Variants in RBM47 observed in about 807,000 individuals in gnomAD.
RBM47 encodes the protein RNA-binding protein 47.
RBM47 carries 21 observed loss-of-function variants against 47.1 expected under a neutral mutation model. The observed-to-expected ratio is 0.45, with a 90% CI of 0.32 to 0.64. The LOEUF is 0.64. Ranked by LOEUF, RBM47 falls within the 30% of genes least tolerant of loss-of-function variation. RBM47 has a pLI of 0.05. For missense variants in RBM47, 708 were observed against 870.9 expected (o/e 0.81, Z 2.35); for synonymous variants, 375 against 361.7 (o/e 1.04, Z -0.42).
chr4:40,511,325 A>G (rs760783587), intron 2 of RBM47, among the ~76,000 whole-genome samples: 6 of 152,188 alleles, frequency 3.9e-5, no homozygotes, highest in South Asian at 2.1e-4. Context: ...TTTGGGTCCT[A>G]TTATTGTCCC....
chr4:40,591,087 G>C (rs1356775157), intron 1 of RBM47, among the ~76,000 whole-genome samples: 1 of 152,160 alleles, frequency 6.6e-6, no homozygotes, highest in African/African-American at 2.4e-5. Flanking sequence ...ACAGGTATGA[G>C]CCACCACACC....
intron 1 of RBM47, among the ~76,000 whole-genome samples, chr4:40,582,091 A>G (rs1194540296): frequency 6.6e-6 from 1 of 152,060 alleles, no homozygotes; most frequent in Non-Finnish European, 1.5e-5. Context: ...CCACTCCCAG[A>G]ACCCATCTCG....
chr4:40,541,646 G>A (rs551485807), intron 2 of RBM47, among the ~76,000 whole-genome samples: 120 of 152,194 alleles, frequency 7.9e-4, no homozygotes, highest in Non-Finnish European at 1.2e-3. Context: ...GCTGAGGCAC[G>A]AGAATTGTTT....
chr4:40,582,273 C>T (rs1037795670), intron 1 of RBM47, among the ~76,000 whole-genome samples: 1 of 152,192 alleles, frequency 6.6e-6, no homozygotes, highest in African/African-American at 2.4e-5. Context: ...GTGGCTCACG[C>T]CTGTAATCCC....
intron 6 of RBM47, among the ~76,000 whole-genome samples, chr4:40,430,193 G>A (rs1474029141): frequency 7.0e-6 from 1 of 143,882 alleles, no homozygotes; most frequent in African/African-American, 2.6e-5. Flanking sequence ...AGACACCGTC[G>A]CAAAAAACAA....
chr4:40,474,126 T>C (rs1719289048), intron 2 of RBM47, among the ~76,000 whole-genome samples: 1 of 152,210 alleles, frequency 6.6e-6, no homozygotes. Context: ...GCCTGGCCTC[T>C]GTGCAGAAGT....
At chr4:40,450,265 A>G (rs891695481) in intron 3 of RBM47, among the ~76,000 whole-genome samples, 1 of 152,160 alleles carries the variant, frequency 6.6e-6, no homozygotes. Context: ...ATCATTTAAC[A>G]CTAGCTTGAA....
chr4:40,451,111 T>G (rs1002385261), intron 3 of RBM47, among the ~76,000 whole-genome samples: 3 of 147,608 alleles, frequency 2.0e-5, no homozygotes, highest in African/African-American at 7.6e-5. Flanking sequence ...CTTTGTGAGG[T>G]TGAGGTGGGA....
intron 3 of RBM47, among the ~76,000 whole-genome samples, chr4:40,447,848 A>C (rs1714772824): frequency 6.6e-6 from 1 of 152,158 alleles, no homozygotes; most frequent in African/African-American, 2.4e-5. Flanking sequence ...ATCTCTACTA[A>C]AAATACAAAA....
intron 6 of RBM47, among the ~76,000 whole-genome samples, chr4:40,429,387 A>G (rs949179126): frequency 4.0e-5 from 6 of 151,680 alleles, no homozygotes; most frequent in Admixed American, 3.9e-4. Flanking sequence ...GTGAAGAAGG[A>G]AAAAAAAATT....
chr4:40,436,342 G>A, intron 5 of RBM47, 99 bp downstream of exon 5: 1 of 1,168,988 alleles, frequency 8.6e-7, no homozygotes, highest in Non-Finnish European at 1.2e-6. Flanking sequence ...AGGAACCCCT[G>A]TGCAGATGTG....
chr4:40,464,123 G>A (rs541332269), intron 3 of RBM47, among the ~76,000 whole-genome samples: 6 of 152,206 alleles, frequency 3.9e-5, no homozygotes, highest in South Asian at 2.1e-4. Context: ...ATATTTACAC[G>A]TAATGTAATA....
chr4:40,465,557 T>C (rs1717877892), intron 3 of RBM47, among the ~76,000 whole-genome samples: 1 of 152,030 alleles, frequency 6.6e-6, no homozygotes, highest in South Asian at 2.1e-4. Context: ...CGTGCACCTA[T>C]AATCCCACCT....
intron 2 of RBM47, chr4:40,516,078 T>A (rs1725531802): frequency 6.6e-6 from 1 of 152,182 alleles, no homozygotes; most frequent in Non-Finnish European, 1.5e-5. Context: ...CAGCTCCTTT[T>A]GCTTTCACAA....
chr4:40,556,762 C>A (rs113703648), intron 1 of RBM47, among the ~76,000 whole-genome samples: 1 of 151,596 alleles, frequency 6.6e-6, no homozygotes, highest in African/African-American at 2.4e-5. Context: ...TGGTGGTGCA[C>A]GCCTGTAATC....
intron 3 of RBM47, among the ~76,000 whole-genome samples, chr4:40,453,697 A>G (rs1435828876): frequency 1.3e-5 from 2 of 152,116 alleles, no homozygotes; most frequent in Admixed American, 1.3e-4. Context: ...ATTTCTGGAG[A>G]AGTGGCTGGA....
At chr4:40,549,624 G>C (rs1729366937) in intron 1 of RBM47, among the ~76,000 whole-genome samples, 1 of 150,016 alleles carries the variant, frequency 6.7e-6, no homozygotes, top group African/African-American at 2.5e-5. Flanking sequence ...CCGGGTTCAA[G>C]CAATTCTCCT....
At chr4:40,586,229 C>A (rs973447274) in intron 1 of RBM47, among the ~76,000 whole-genome samples, 1 of 152,158 alleles carries the variant, frequency 6.6e-6, no homozygotes, top group Admixed American at 6.5e-5. Flanking sequence ...GTTCATCCTG[C>A]TGAGGTTTGA....
intron 2 of RBM47, among the ~76,000 whole-genome samples, chr4:40,484,506 T>C (rs1720826969): frequency 6.6e-6 from 1 of 151,284 alleles, no homozygotes; most frequent in Non-Finnish European, 1.5e-5. Context: ...GGATGAACCA[T>C]TTTCCTTAGG....
Sources: gnomAD v4.1 joint callset for allele counts (sites outside exome capture counted in the v4.1 genomes callset) on GRCh38, gnomAD v4.1.1 for gene constraint, MANE v1.5 for transcripts, NCBI Gene and HGNC (gene_info 2026-07-23, HGNC 2026-07-21) for gene names.